Variants in PAPSS1 observed in about 807,000 individuals in gnomAD.
PAPSS1 encodes 3'-phosphoadenosine 5'-phosphosulfate synthase 1.
In PAPSS1, 50 loss-of-function variants were observed where a neutral mutation model predicts 72.0. That is an observed-to-expected ratio of 0.69 (90% CI 0.55 to 0.88). PAPSS1 has a LOEUF of 0.88. Ranked by LOEUF, PAPSS1 falls within the 40% of genes least tolerant of loss-of-function variation. The pLI is 0.00. For missense variants in PAPSS1, 657 were observed against 782.2 expected (o/e 0.84, Z 1.91); for synonymous variants, 261 against 263.6 (o/e 0.99, Z 0.09).
intron 5 of PAPSS1, among the ~76,000 whole-genome samples, chr4:107,671,276 A>T (rs1291256362): frequency 6.6e-6 from 1 of 151,812 alleles, no homozygotes; most frequent in Non-Finnish European, 1.5e-5. Context: ...TTTTTTCAAG[A>T]AAAACTTAAA....
intron 1 of PAPSS1, among the ~76,000 whole-genome samples, chr4:107,701,948 A>G (rs1283212841): frequency 1.3e-5 from 2 of 149,246 alleles, no homozygotes; most frequent in African/African-American, 4.9e-5. Context: ...TGTACTGGTT[A>G]TAACTTCATG....
At chr4:107,673,102 A>G (rs1319095121) in intron 5 of PAPSS1, among the ~76,000 whole-genome samples, 1 of 152,190 alleles carries the variant, frequency 6.6e-6, no homozygotes, top group East Asian at 1.9e-4. Flanking sequence ...AAAACCACAA[A>G]GATGGGGAAA....
At chr4:107,684,911 A>AT (rs879356976) in intron 4 of PAPSS1, among the ~76,000 whole-genome samples, 72 of 146,914 alleles carry the variant, frequency 4.9e-4, no homozygotes, top group Middle Eastern at 7.3e-3. Context: ...CTCTTCAAAA[A>AT]TTTTTTTTTT....
At chr4:107,649,924 G>A (rs966898814) in intron 9 of PAPSS1, among the ~76,000 whole-genome samples, 12 of 152,134 alleles carry the variant, frequency 7.9e-5, no homozygotes, top group Non-Finnish European at 4.4e-5. Flanking sequence ...GTCAATCATC[G>A]GTAATTCAAA....
At chr4:107,617,639 T>C (rs993640331) in intron 11 of PAPSS1, among the ~76,000 whole-genome samples, 6 of 152,182 alleles carry the variant, frequency 3.9e-5, no homozygotes, top group East Asian at 1.9e-4. Flanking sequence ...ACCAGGAAGA[T>C]AGACATACAC....
At chr4:107,624,152 CA>C (rs1376423992) in intron 11 of PAPSS1, among the ~76,000 whole-genome samples, 7 of 152,198 alleles carry the variant, frequency 4.6e-5, no homozygotes, top group Non-Finnish European at 1.0e-4. Context: ...TGATCCTTCT[CA>C]CCCAAGACCT....
chr4:107,684,218 G>C (rs923274338), intron 4 of PAPSS1, among the ~76,000 whole-genome samples: 1 of 152,114 alleles, frequency 6.6e-6, no homozygotes, highest in East Asian at 1.9e-4. Flanking sequence ...ACTAAACTCT[G>C]ATTTTTTATC....
chr4:107,628,680 C>G (rs1726157573), intron 11 of PAPSS1, among the ~76,000 whole-genome samples: 1 of 152,176 alleles, frequency 6.6e-6, no homozygotes. Flanking sequence ...AGCAGGTATA[C>G]TAAATAAAGG....
Position 107,720,050 on chromosome 4 carries a change from G to A in PAPSS1, c.60+70C>T, listed in dbSNP as rs1723740453. 2.6e-6 allele frequency: 4 copies of A among 1,532,654 alleles called. No homozygotes were observed. In the African/African-American group the frequency reaches 5.6e-5, roughly 22 times the overall value. The allele number at this position is 1,532,654 out of a possible 1,614,324, so 94.9% of individuals were successfully genotyped here. A position where few individuals can be genotyped will look rare whatever the true frequency, so the allele number is the denominator to read the frequency against. On this transcript the variant is annotated intron_variant, in intron 1 of 11. Transcript: ENST00000265174. ...GATGCGGAGGAGGCGGGAGAGAGGC[G>A]GCGGCTCCGGAACGAGCTGCTCCCA...
chr4:107,615,690 A>G (rs1725801164), intron 11 of PAPSS1, among the ~76,000 whole-genome samples: 1 of 152,214 alleles, frequency 6.6e-6, no homozygotes, highest in South Asian at 2.1e-4. Context: ...TAAGATGCTC[A>G]TGATGTGATT....
rs141440604 is a variant in PAPSS1 at position 107,648,910 on chromosome 4, T to C, written c.1238-3840A>G. 6.8e-3 allele frequency among the ~76,000 whole-genome samples: 1,030 copies of C among 152,288 alleles called. 7 individuals carry two copies. The highest frequency in any genetic ancestry group is 9.9e-3 in the Non-Finnish European group (676 of 68,008). ...AAGGTGGGGGGTGGAAATAAAGGAA[T>C]AAGAGATGGGCCCCTTGAACAAATA... On this transcript the variant is annotated intron_variant, in intron 9 of 11. Transcript: ENST00000265174.
chr4:107,695,709 T>G (rs1723048328), intron 2 of PAPSS1, among the ~76,000 whole-genome samples: 1 of 152,224 alleles, frequency 6.6e-6, no homozygotes, highest in Admixed American at 6.5e-5. Flanking sequence ...GATGTTGAAT[T>G]TTATCAAAGG....
intron 11 of PAPSS1, among the ~76,000 whole-genome samples, chr4:107,622,515 G>T (rs956888248): frequency 3.3e-5 from 5 of 152,178 alleles, no homozygotes; most frequent in African/African-American, 1.2e-4. Flanking sequence ...CCCTACAATG[G>T]TTTCAAAAGA....
chr4:107,630,803 G>A lies in PAPSS1; in HGVS notation c.1736+828C>T, dbSNP rs80070628. Among the ~76,000 whole-genome samples, 818 of 152,188 alleles carry A rather than the reference G, an allele frequency of 5.4e-3. 17 individuals are homozygous for A. The highest frequency in any genetic ancestry group is 0.022 in the East Asian group (112 of 5,166). On this transcript the variant is annotated intron_variant, in intron 11 of 11. Transcript: ENST00000265174. ...ACCTTATACAAGCTACTTAGCCTTT[G>A]TATGCCTCTAGATACTCACCTACAA...
chr4:107,623,224 T>G (rs1726014233), intron 11 of PAPSS1, among the ~76,000 whole-genome samples: 1 of 152,264 alleles, frequency 6.6e-6, no homozygotes, highest in Non-Finnish European at 1.5e-5. Context: ...GTAATCTATA[T>G]CTGGTAATTC....
intron 3 of PAPSS1, 27 bp downstream of exon 3, chr4:107,693,744 A>G (rs774046293): frequency 3.6e-5 from 53 of 1,490,814 alleles, no homozygotes; most frequent in Non-Finnish European, 4.3e-5. Flanking sequence ...ATGTAAGCAG[A>G]AAGGCAATGG....
intron 10 of PAPSS1, among the ~76,000 whole-genome samples, chr4:107,635,326 T>A (rs1440906103): frequency 6.6e-6 from 1 of 152,184 alleles, no homozygotes; most frequent in Non-Finnish European, 1.5e-5. Context: ...TCTTAACTTT[T>A]ATACTGTATT....
chr4:107,633,691 G>A (rs56161847), intron 10 of PAPSS1, among the ~76,000 whole-genome samples: 4,605 of 151,970 alleles, frequency 0.03, 130 homozygotes, highest in South Asian at 0.15. Flanking sequence ...AGGCTGAGGC[G>A]GGCAGATCAC....
chr4:107,682,183 AGTTT>A (rs1376817627), intron 4 of PAPSS1, 50 bp from the exon 5 acceptor site: 2 of 996,224 alleles, frequency 2.0e-6, no homozygotes, highest in South Asian at 2.8e-5. Context: ...AAATTAAAAT[AGTTT>A]ATTTTTTCAG....
Sources: allele counts gnomAD v4.1 joint callset (sites outside exome capture counted in the v4.1 genomes callset), GRCh38; gene constraint gnomAD v4.1.1; transcripts MANE v1.5; gene names NCBI Gene and HGNC (gene_info 2026-07-23, HGNC 2026-07-21).